The following ARSG variants were observed in gnomAD, a reference collection of about 807,000 sequenced individuals.
ARSG encodes the protein ASG.
ARSG carries 37 observed loss-of-function variants against 50.5 expected under a neutral mutation model. The ratio of observed to expected loss-of-function variants is 0.73; its 90% CI spans 0.56 to 0.96. The LOEUF is 0.96. Ranked by LOEUF, ARSG falls within the 50% of genes least tolerant of loss-of-function variation. The pLI is 0.00. For missense variants in ARSG, 629 were observed against 675.3 expected, an observed-to-expected ratio of 0.93 and a Z score of 0.76; for synonymous variants, 225 against 254.6, an observed-to-expected ratio of 0.88 and a Z score of 1.11.
At chr17:68,394,304 A>C (rs1448024677) in intron 9 of ARSG, among the ~76,000 whole-genome samples, 2 of 152,182 alleles carry the variant, frequency 1.3e-5, no homozygotes, top group East Asian at 3.8e-4. Context: ...GGAAGACATG[A>C]ACAGAAACGT....
At chr17:68,290,717 G>A (rs965000011), upstream of ARSG, among the ~76,000 whole-genome samples, 2 of 152,238 alleles carry the variant, frequency 1.3e-5, no homozygotes, top group Non-Finnish European at 2.9e-5. Flanking sequence ...AACTTCATGC[G>A]GAAAATCCGC....
At chr17:68,324,114 G>A (rs912791074) in intron 2 of ARSG, among the ~76,000 whole-genome samples, 7 of 148,610 alleles carry the variant, frequency 4.7e-5, no homozygotes, top group Non-Finnish European at 1.0e-4. Flanking sequence ...TAGAGAAAAG[G>A]CCCTCAAGCT....
chr17:68,276,670 T>C (rs2075533529), intron 1 of ARSG, among the ~76,000 whole-genome samples: 1 of 152,056 alleles, frequency 6.6e-6, no homozygotes, highest in African/African-American at 2.4e-5. Context: ...CCCAGGCTAG[T>C]CTCAAACTCT....
chr17:68,373,843 A>T (rs1431752259), intron 8 of ARSG, among the ~76,000 whole-genome samples: 1 of 151,966 alleles, frequency 6.6e-6, no homozygotes, highest in Non-Finnish European at 1.5e-5. Context: ...GGAGGACTGG[A>T]GGTGGATGGG....
intron 8 of ARSG, among the ~76,000 whole-genome samples, chr17:68,382,844 G>T (rs549912521): frequency 2.6e-5 from 4 of 152,276 alleles, no homozygotes; most frequent in African/African-American, 9.6e-5. Context: ...TTGGGTGGCT[G>T]GCATATATAA....
At chr17:68,360,371 A>G (rs2079224963) in intron 6 of ARSG, among the ~76,000 whole-genome samples, 2 of 152,084 alleles carry the variant, frequency 1.3e-5, no homozygotes, top group African/African-American at 4.8e-5. Flanking sequence ...CCCTGCCTCA[A>G]GCCCCTCCCC....
intron 2 of ARSG, 42 bp from the exon 3 acceptor site, chr17:68,343,562 C>G (rs369963633): frequency 6.6e-7 from 1 of 1,520,952 alleles, no homozygotes; most frequent in African/African-American, 1.4e-5. Context: ...ACTCTGGCTT[C>G]CTGTGGTTGG....
At chr17:68,445,731 C>T in the ARSG span, among the ~76,000 whole-genome samples, 1 of 152,216 alleles carries the variant, frequency 6.6e-6, no homozygotes, top group South Asian at 2.1e-4. Context: ...TAGCCCAGTA[C>T]AAGGGCAGAC....
chr17:68,450,933 G>C, the ARSG span: 75 of 1,587,258 alleles, frequency 4.7e-5, no homozygotes, highest in East Asian at 1.2e-3. Flanking sequence ...TACATGGATT[G>C]ATCACTTCCA....
intron 2 of ARSG, among the ~76,000 whole-genome samples, chr17:68,314,360 C>G (rs2076986950): frequency 6.6e-6 from 1 of 151,956 alleles, no homozygotes; most frequent in South Asian, 2.1e-4. Context: ...AACCCCATCT[C>G]TACTAAAAAT....
At chr17:68,427,103 G>A, downstream of ARSG, 1 of 1,562,780 alleles carries the variant, frequency 6.4e-7, no homozygotes, top group Non-Finnish European at 8.8e-7. Context: ...CACTGTTGGA[G>A]ATGCTCCCCT....
intron 2 of ARSG, among the ~76,000 whole-genome samples, chr17:68,322,490 G>A (rs1209961414): frequency 1.3e-5 from 2 of 152,132 alleles, no homozygotes; most frequent in East Asian, 1.9e-4. Context: ...GGTGTTGCGT[G>A]CCTGTAGTCC....
At chr17:68,284,970 A>G (rs537411334) in intron 1 of ARSG, among the ~76,000 whole-genome samples, 4 of 152,202 alleles carry the variant, frequency 2.6e-5, no homozygotes, top group African/African-American at 9.6e-5. Context: ...GCTTGTATTT[A>G]TTTTTGCAAC....
intron 10 of ARSG, among the ~76,000 whole-genome samples, chr17:68,396,738 G>A (rs541369508): frequency 1.3e-3 from 195 of 152,280 alleles, no homozygotes; most frequent in Middle Eastern, 0.01. Context: ...ATGGGCCATC[G>A]GTTCTTCTGT....
chr17:68,449,586 G>A, the ARSG span, among the ~76,000 whole-genome samples: 4 of 152,130 alleles, frequency 2.6e-5, no homozygotes, highest in African/African-American at 9.7e-5. Context: ...GAGTTCTCAC[G>A]AGACCTGGTT....
At chr17:68,435,601 T>G in the ARSG span, 1 of 1,612,652 alleles carries the variant, frequency 6.2e-7, no homozygotes, top group African/African-American at 1.3e-5. Flanking sequence ...GACAGAGGTG[T>G]TGGTGGGAGT....
At chr17:68,374,206 A>G (rs1263380984) in intron 8 of ARSG, among the ~76,000 whole-genome samples, 1 of 151,804 alleles carries the variant, frequency 6.6e-6, no homozygotes, top group African/African-American at 2.4e-5. Context: ...TACAGCATAA[A>G]TGGGAGTGGT....
intron 1 of ARSG, among the ~76,000 whole-genome samples, chr17:68,295,474 TAAAA>T (rs549932018): frequency 6.9e-6 from 1 of 145,860 alleles, no homozygotes; most frequent in Non-Finnish European, 1.5e-5. Context: ...GCTTAAAAAT[TAAAA>T]AAAAAAATAG....
intron 2 of ARSG, among the ~76,000 whole-genome samples, chr17:68,333,673 T>A (rs1056939265): frequency 2.2e-5 from 3 of 133,502 alleles, no homozygotes; most frequent in African/African-American, 2.7e-5. Flanking sequence ...ATAATAATAA[T>A]AAAAGAGTAA....
Sources: allele counts gnomAD v4.1 joint callset (sites outside exome capture counted in the v4.1 genomes callset), GRCh38; gene constraint gnomAD v4.1.1; transcripts MANE v1.5; gene names NCBI Gene and HGNC (gene_info 2026-07-23, HGNC 2026-07-21).